The following CASC3 variants were observed in gnomAD, a reference collection of about 807,000 sequenced individuals.
CASC3 encodes CASC3 exon junction complex subunit, also known as protein CASC3.
Under a neutral mutation model 80.5 loss-of-function variants are expected in CASC3, and 30 were observed. The observed-to-expected ratio is 0.37, with a 90% CI of 0.28 to 0.51. The LOEUF (loss-of-function observed/expected upper bound fraction) is 0.51, where lower values mean the gene tolerates loss of function less well. Ranked by LOEUF, CASC3 falls within the 20% of genes least tolerant of loss-of-function variation. The probability of loss-of-function intolerance (pLI) is 0.94; values close to 1 mark genes in which losing one functional copy is unlikely to be tolerated. For synonymous variants in CASC3, 312 were observed against 333.6 expected (o/e 0.94, Z 0.70); for missense variants, 824 against 922.2 (o/e 0.89, Z 1.38).
intron 3 of CASC3, among the ~76,000 whole-genome samples, chr17:40,154,005 T>C (rs1015619413): frequency 6.6e-6 from 1 of 150,682 alleles, no homozygotes; most frequent in African/African-American, 2.4e-5. Context: ...ACCCGGGAGG[T>C]AGAGGTTGCA....
Position 40,140,999 on chromosome 17 carries a change from A to G in CASC3, c.232-208A>G, listed in dbSNP as rs995416506. ...TGGGAGGATGGTAGAGCCGCTGGAG[A>G]TGGAAAGCGGATGTTTTATTCAGAA... On this transcript the variant is annotated intron_variant, in intron 1 of 13. Coordinates refer to ENST00000264645, the MANE Select transcript of CASC3 (RefSeq NM_007359.5). The G allele has an allele frequency of 6.3e-6, 4 of 632,516 alleles. No individual in the cohort carries two copies. The Admixed American group carries it at 9.7e-5, about 15-fold the overall frequency. 39.2% of individuals were successfully genotyped at this position (632,516 alleles called of 1,614,324 possible).
chr17:40,163,689 G>T lies in CASC3; in HGVS notation c.994G>T (p.Gly332Cys), dbSNP rs1989367325. 6.2e-7 allele frequency: 1 copy of T among 1,614,072 alleles called. No homozygotes were observed. The highest frequency in any genetic ancestry group is 1.3e-5 in the African/African-American group (1 of 74,918). ...TGCTGGTTTTAGGCCTGTGGAAGCT[G>T]GTGGGCAGCATGGTGGCCGGTCTGG... ...GRAGFRPVEA[G>C]GQHGGRSGET... is the part of the protein sequence containing the mutation. Residue 332 changes from glycine to cysteine, a missense_variant, in exon 7 of 14, where the codon GGT becomes TGT. Physicochemically the swap from Gly to Cys is radical, Grantham distance 159 (BLOSUM62 -3). Around this residue, in one of 3 missense-constraint regions of CASC3, gnomAD observed 464 missense variants for 506.0 expected, o/e 0.92. Transcript: ENST00000264645.
intron 3 of CASC3, among the ~76,000 whole-genome samples, chr17:40,142,659 C>T (rs776248737): frequency 1.7e-4 from 26 of 151,956 alleles, no homozygotes; most frequent in African/African-American, 4.8e-4. Context: ...GAGGCCCAGG[C>T]GGGCGGATCA....
chr17:40,145,042 G>GTATATAGTATATA (rs1208875876), intron 3 of CASC3, among the ~76,000 whole-genome samples: 1 of 151,354 alleles, frequency 6.6e-6, no homozygotes, highest in Non-Finnish European at 1.5e-5. Flanking sequence ...TGTGTTTTTA[G>GTATATAGTATATA]TAGAGATGGG....
chr17:40,170,456 G>A lies in CASC3; in HGVS notation c.*51G>A. On this transcript the variant is annotated 3_prime_UTR_variant, in exon 14 of 14. Transcript: ENST00000264645. ...TTCCAACCCCTGTCAGAGCAGCAGAGGTGAGAACTCAGAAGAGAAATACAG... is the reference window on the plus strand; with the variant it reads ...TTCCAACCCCTGTCAGAGCAGCAGAAGTGAGAACTCAGAAGAGAAATACAG... The A allele has an allele frequency of 1.0e-6, 1 of 985,582 alleles. No homozygotes were observed. The highest frequency in any genetic ancestry group is 1.2e-6 in the Non-Finnish European group (1 of 829,970). The allele number at this position is 985,582 out of a possible 1,614,324, so 61.1% of individuals were successfully genotyped here.
intron 7 of CASC3, among the ~76,000 whole-genome samples, chr17:40,165,933 T>C (rs1244845601): frequency 6.6e-6 from 1 of 150,458 alleles, no homozygotes; most frequent in Non-Finnish European, 1.5e-5. Context: ...ACCTGGCTGA[T>C]TTTTTTTATT....
chr17:40,154,691 A>G (rs1567679589), intron 3 of CASC3, among the ~76,000 whole-genome samples: 1 of 152,096 alleles, frequency 6.6e-6, no homozygotes, highest in Non-Finnish European at 1.5e-5. Context: ...TTTAGTTTTG[A>G]TGAAGCCTGG....
At chr17:40,150,294 C>T (rs1181160279) in intron 3 of CASC3, among the ~76,000 whole-genome samples, 1 of 152,034 alleles carries the variant, frequency 6.6e-6, no homozygotes, top group Non-Finnish European at 1.5e-5. Context: ...ATCCCTTGAG[C>T]CCAGGAGGTC....
intron 3 of CASC3, among the ~76,000 whole-genome samples, chr17:40,158,451 G>A (rs534053981): frequency 2.0e-5 from 3 of 152,224 alleles, no homozygotes; most frequent in Non-Finnish European, 2.9e-5. Context: ...CTGTGTTCTC[G>A]TAGGCCTCCC....
chr17:40,168,415 C>G lies in CASC3; in HGVS notation c.1963C>G (p.Gln655Glu). Residue 655 changes from glutamine (Q) to glutamate (E), a missense_variant and splice_region_variant, in exon 11 of 14, where the codon CAG (glutamine) becomes GAG (glutamate). This residue lies in a region of CASC3 where 464 missense variants were observed against 506.0 expected (regional missense o/e 0.92). Transcript: ENST00000264645. ...PPPPHLYPNT[Q>E]APSQVYGGVT... The stretch of plus-strand genomic sequence containing the variant: ...ACCGCCTCATCTGTATCCTAATACA[C>G]AGGTGAGATGGCTAATGATCATGTT... 6.2e-7 allele frequency: 1 copy of G among 1,611,898 alleles called. No homozygotes were observed. The highest frequency in any genetic ancestry group is 8.5e-7 in the Non-Finnish European group (1 of 1,178,016).
In CASC3 at chr17:40,163,590, A is replaced by G; in HGVS notation, c.895A>G (p.Arg299Gly). The G allele has an allele frequency of 1.2e-6, 2 of 1,614,196 alleles. No individual in the cohort carries two copies. Among genetic ancestry groups the G allele is most frequent in the South Asian group, 1.1e-5 (1 of 91,088 alleles). Residue 299 changes from arginine to glycine, a missense_variant, in exon 7 of 14, where the codon AGG (arginine) becomes GGG (glycine). Around this residue, in one of 3 missense-constraint regions of CASC3, gnomAD observed 201 missense variants for 294.1 expected, o/e 0.68. Coordinates refer to ENST00000264645, the MANE Select transcript of CASC3 (RefSeq NM_007359.5). ...GTLPPRTFIN[R>G]NAAGTGRMSA... ...CCTACCACCAAGGACATTTATTAAC[A>G]GGAATGCTGCAGGTACCGGCCGTAT...
chr17:40,141,827 G>A (rs1988725695), intron 3 of CASC3, among the ~76,000 whole-genome samples: 1 of 152,190 alleles, frequency 6.6e-6, no homozygotes, highest in Admixed American at 6.5e-5. Context: ...CTGTTAGTTG[G>A]CTTCTCTTCC....
rs1025011193 is a variant in CASC3, at chr17:40,140,729, C to T, written c.181C>T (p.Leu61=). The T allele has an allele frequency of 4.9e-6, 7 of 1,424,424 alleles. No individual in the cohort carries two copies. Among genetic ancestry groups the T allele is most frequent in the Non-Finnish European group, 6.5e-6 (7 of 1,071,318 alleles). 88.2% of individuals were successfully genotyped at this position (1,424,424 alleles called of 1,614,324 possible). Residue 61 remains leucine, a synonymous_variant, in exon 1 of 14, where the codon CTG becomes TTG. Coordinates refer to ENST00000264645, the MANE Select transcript of CASC3 (RefSeq NM_007359.5). ...CGGAGGCCGAACCGGGGCCCTTCAT[C>T]TGCGGCGGGTGGAGAGCGGGGGCGC... ...QRGGRTGALH[L]RRVESGGAKS... is the part of the protein sequence containing the mutation.
Position 40,163,791 on chromosome 17 carries a change from G to A in CASC3, c.1096G>A (p.Ala366Thr). ...TTCTGTGAGGGATCCATCTCCAGAA[G>A]CAGATGCTCCAGTGCTTGGCAGTCC... ...QTSVRDPSPE[A>T]DAPVLGSPEK... is the part of the protein sequence containing the mutation. The change falls in exon 7 of 14, where the codon GCA becomes ACA. Residue 366 changes from alanine (A) to threonine (T), a missense_variant. Ala to Thr is a moderately conservative substitution (Grantham distance 58). Coordinates refer to ENST00000264645, the MANE Select transcript of CASC3 (RefSeq NM_007359.5). 6.2e-7 allele frequency: 1 copy of A among 1,614,196 alleles called. No individual in the cohort carries two copies. The highest frequency in any genetic ancestry group is 1.1e-5 in the South Asian group (1 of 91,086).
intron 3 of CASC3, among the ~76,000 whole-genome samples, chr17:40,149,929 A>C (rs1988957434): frequency 6.6e-6 from 1 of 152,216 alleles, no homozygotes. Flanking sequence ...AAGGGAAAAA[A>C]AAGAGGGAAT....
chr17:40,163,104 A>G (rs1279081894), intron 6 of CASC3, among the ~76,000 whole-genome samples: 1 of 150,772 alleles, frequency 6.6e-6, no homozygotes, highest in East Asian at 1.9e-4. Flanking sequence ...TAGACTCTTG[A>G]TATCTTTTAG....
intron 3 of CASC3, among the ~76,000 whole-genome samples, chr17:40,142,282 C>T (rs1372111961): frequency 6.6e-6 from 1 of 152,192 alleles, no homozygotes; most frequent in East Asian, 1.9e-4. Context: ...AAATTCCTAT[C>T]TTTAGAGATC....
intron 7 of CASC3, among the ~76,000 whole-genome samples, chr17:40,165,140 G>C (rs1367268882): frequency 6.6e-6 from 1 of 151,668 alleles, no homozygotes; most frequent in South Asian, 2.1e-4. Flanking sequence ...AGCCAGGATG[G>C]TCTCGATCTC....
Position 40,161,989 on chromosome 17 carries a change from A to AT in CASC3, c.457-12dup, listed in dbSNP as rs1251857394. On this transcript the variant is annotated splice_polypyrimidine_tract_variant and intron_variant, in intron 4 of 13. Transcript: ENST00000264645. The stretch of plus-strand genomic sequence containing the variant: ...GGCTTGGAAGAGTAAGGATCCCTTT[A>AT]TCTGTCCTCTAGGAGAGCACAGAGC... 1 of 1,612,702 alleles carries AT rather than the reference A, an allele frequency of 6.2e-7. No homozygotes were observed. The highest frequency in any genetic ancestry group is 1.3e-5 in the African/African-American group (1 of 74,776).
Sources: allele counts gnomAD v4.1 joint callset (sites outside exome capture counted in the v4.1 genomes callset), GRCh38; gene constraint gnomAD v4.1.1; regional missense constraint gnomAD v4.1.1; transcripts MANE v1.5; gene names NCBI Gene and HGNC (gene_info 2026-07-23, HGNC 2026-07-21).